Variants in COL11A1 observed in about 807,000 individuals in gnomAD.
The protein encoded by COL11A1 is collagen alpha-1(XI) chain.
Under a neutral mutation model 265.2 loss-of-function variants are expected in COL11A1, and 74 were observed. The ratio of observed to expected loss-of-function variants is 0.28; its 90% confidence interval spans 0.23 to 0.34. The LOEUF is 0.34. Among genes scored for constraint, COL11A1 ranks in the 10% least tolerant of loss-of-function variants. The probability of loss-of-function intolerance (pLI) is 1.00; values close to 1 mark genes in which losing one functional copy is unlikely to be tolerated. For missense variants in COL11A1, 2,165 were observed against 2,263.6 expected (o/e 0.96, Z 0.88); for synonymous variants, 816 against 727.6 (o/e 1.12, Z -1.96).
At chr1:103,079,166 T>C (rs1421796766) in intron 2 of COL11A1, among the ~76,000 whole-genome samples, 2 of 152,122 alleles carry the variant, frequency 1.3e-5, no homozygotes, top group African/African-American at 4.8e-5. Flanking sequence ...ATCAAACACA[T>C]AACCACCACT....
intron 54 of COL11A1, among the ~76,000 whole-genome samples, chr1:102,910,039 G>A (rs1191559523): frequency 4.0e-5 from 6 of 151,762 alleles, no homozygotes; most frequent in Non-Finnish European, 8.8e-5. Context: ...TCACACAACA[G>A]TTTAATAGTT....
intron 49 of COL11A1, among the ~76,000 whole-genome samples, chr1:102,919,259 T>C (rs530768096): frequency 6.6e-6 from 1 of 152,072 alleles, no homozygotes; most frequent in East Asian, 1.9e-4. Context: ...ATCTAATGAG[T>C]TAAAAATTAT....
chr1:102,894,618 A>G (rs1042761277), intron 57 of COL11A1, among the ~76,000 whole-genome samples: 12 of 152,270 alleles, frequency 7.9e-5, no homozygotes, highest in Admixed American at 4.6e-4. Context: ...AACCAATACA[A>G]AATTCTAATG....
intron 4 of COL11A1, among the ~76,000 whole-genome samples, chr1:103,038,397 G>C (rs1283358254): frequency 6.6e-6 from 1 of 152,038 alleles, no homozygotes; most frequent in African/African-American, 2.4e-5. Context: ...CCCGGGAGGT[G>C]GAGGTTACAG....
chr1:102,915,889 A>G (rs1655274965), intron 49 of COL11A1, among the ~76,000 whole-genome samples: 1 of 152,208 alleles, frequency 6.6e-6, no homozygotes, highest in African/African-American at 2.4e-5. Context: ...AGAAATATGC[A>G]GGCTTGATGC....
intron 3 of COL11A1, among the ~76,000 whole-genome samples, chr1:103,076,004 A>C (rs1045885866): frequency 6.6e-6 from 1 of 151,978 alleles, no homozygotes; most frequent in Non-Finnish European, 1.5e-5. Context: ...TCCCAGTATT[A>C]TAGGTATGTG....
At chr1:103,008,111 A>C (rs1280983473) in intron 15 of COL11A1, among the ~76,000 whole-genome samples, 3 of 152,166 alleles carry the variant, frequency 2.0e-5, no homozygotes, top group Non-Finnish European at 4.4e-5. Flanking sequence ...CATCTATTTT[A>C]TAAAAAGAAA....
rs775240714 is a variant in COL11A1 at position 102,886,778 on chromosome 1, A to G, written c.4858+29T>C. 4 of 1,613,574 alleles carry G rather than the reference A, an allele frequency of 2.5e-6. No individual in the cohort carries two copies. In the African/African-American group the frequency reaches 4.0e-5, roughly 16 times the overall value. On this transcript the variant is annotated intron_variant, in intron 63 of 66. Transcript: ENST00000370096. ...CCTCAGAAACTCAGGGGCTCGGTAC[A>G]TTTGCTTTGTCATGTATTATTTACA...
chr1:103,069,197 G>C (rs917571503), intron 4 of COL11A1, among the ~76,000 whole-genome samples: 1 of 148,850 alleles, frequency 6.7e-6, no homozygotes, highest in Non-Finnish European at 1.5e-5. Context: ...AAGATATTAT[G>C]GTAGTAGTAA....
intron 57 of COL11A1, among the ~76,000 whole-genome samples, chr1:102,894,509 C>T (rs916595346): frequency 6.4e-5 from 9 of 141,558 alleles, no homozygotes; most frequent in African/African-American, 1.1e-4. Flanking sequence ...ACTCCAGCCC[C>T]GGTGATAGAG....
chr1:102,931,161 T>C (rs1161459601), intron 46 of COL11A1, among the ~76,000 whole-genome samples: 7 of 139,000 alleles, frequency 5.0e-5, no homozygotes, highest in African/African-American at 1.8e-4. Context: ...CTCTTGCTTT[T>C]CTAGTTCTTT....
At position 102,961,924 on chromosome 1, in the gene COL11A1, G is replaced by A. The variant is rs757323732; in HGVS notation, c.3115-5C>T. 1.7e-5 allele frequency: 27 copies of A among 1,611,422 alleles called. 1 individual carries two copies. The highest frequency in any genetic ancestry group is 2.3e-5 in the Non-Finnish European group (27 of 1,179,020). On this transcript the variant is annotated splice_polypyrimidine_tract_variant and splice_region_variant and intron_variant, in intron 40 of 66. Coordinates refer to ENST00000370096, the MANE Select transcript of COL11A1 (RefSeq NM_001854.4). ...TCCTTTCAGTCCAGGTGCACCCTGG[G>A]AAAAGTGAAAAAAATAAAGAAAATG... is the stretch of plus-strand genomic sequence containing the variant.
In COL11A1 at chr1:102,998,354, C is replaced by T. The variant is rs777648055; in HGVS notation, c.2152G>A (p.Gly718Arg). Residue 718 changes from glycine to arginine, a missense_variant, in exon 25 of 67, where the codon GGA becomes AGA. By Grantham distance (125) the Gly-to-Arg change is moderately radical (BLOSUM62 -2). Coordinates refer to ENST00000370096, the MANE Select transcript of COL11A1 (RefSeq NM_001854.4). ...IGPPGEKGPQ[G>R]KPGLAGLPGA... is the part of the protein sequence containing the mutation. Reference sequence around the variant, plus strand: ...GGAAGTCCAGCAAGTCCTGGTTTTCCTTGTGGTCCCTTATAGAGAAAAAAA... The same window carrying T: ...GGAAGTCCAGCAAGTCCTGGTTTTCTTTGTGGTCCCTTATAGAGAAAAAAA... The T allele has an allele frequency of 6.2e-7, 1 of 1,601,614 alleles. No individual in the cohort carries two copies.
chr1:102,907,099 C>T (rs1676504), intron 54 of COL11A1, among the ~76,000 whole-genome samples: 2 of 151,886 alleles, frequency 1.3e-5, no homozygotes, highest in Non-Finnish European at 2.9e-5. Context: ...TCGGGCTGAC[C>T]TAAGGTTGAT....
intron 24 of COL11A1, 62 bp from the exon 25 acceptor site, chr1:102,998,425 C>A: frequency 1.8e-6 from 2 of 1,115,794 alleles, no homozygotes; most frequent in Non-Finnish European, 2.5e-6. Flanking sequence ...TTAACGTGTA[C>A]ATATACTATG....
chr1:102,928,512 T>TG (rs1656928284), intron 46 of COL11A1, among the ~76,000 whole-genome samples: 1 of 152,212 alleles, frequency 6.6e-6, no homozygotes, highest in South Asian at 2.1e-4. Context: ...GTTGGACATT[T>TG]GGGTTGGTTC....
chr1:103,087,185 T>G (rs1390361302), intron 1 of COL11A1, among the ~76,000 whole-genome samples: 2 of 152,260 alleles, frequency 1.3e-5, no homozygotes, highest in African/African-American at 2.4e-5. Flanking sequence ...TGCCAACTGC[T>G]GGCACAAACC....
intron 4 of COL11A1, among the ~76,000 whole-genome samples, chr1:103,053,181 G>A (rs1669967170): frequency 6.6e-6 from 1 of 152,158 alleles, no homozygotes; most frequent in Admixed American, 6.5e-5. Context: ...TAGAGGACAA[G>A]TAGCATCCTA....
intron 25 of COL11A1, 62 bp from the exon 26 acceptor site, chr1:102,997,186 A>C: frequency 7.4e-7 from 1 of 1,353,482 alleles, no homozygotes; most frequent in South Asian, 1.2e-5. Flanking sequence ...TAATACTACG[A>C]AAGTATTTCT....
Sources: allele counts gnomAD v4.1 joint callset (sites outside exome capture counted in the v4.1 genomes callset), GRCh38; gene constraint gnomAD v4.1.1; transcripts MANE v1.5; gene names NCBI Gene and HGNC (gene_info 2026-07-23, HGNC 2026-07-21).